The following SLC25A24 variants were observed in gnomAD, a reference collection of about 807,000 sequenced individuals.
SLC25A24 encodes solute carrier family 25 member 24.
In SLC25A24, 49 loss-of-function variants were observed where a neutral mutation model predicts 60.7. That is an observed-to-expected ratio of 0.81 (90% CI 0.64 to 1.02). SLC25A24 has a LOEUF of 1.02. Among genes scored for constraint, SLC25A24 ranks in the 50% least tolerant of loss-of-function variants. The pLI is 0.00. For synonymous variants in SLC25A24, 202 were observed against 200.6 expected (o/e 1.01, Z -0.06); for missense variants, 564 against 586.3 (o/e 0.96, Z 0.39).
chr1:108,166,524 C>T (rs1243415005), intron 3 of SLC25A24, among the ~76,000 whole-genome samples: 3 of 152,122 alleles, frequency 2.0e-5, no homozygotes, highest in Non-Finnish European at 4.4e-5. Flanking sequence ...AACTTCCCTT[C>T]TCGCTTCATT....
chr1:108,181,549 T>C, intron 3 of SLC25A24, among the ~76,000 whole-genome samples: 1 of 152,214 alleles, frequency 6.6e-6, no homozygotes, highest in East Asian at 1.9e-4. Context: ...TTTCCCTTTT[T>C]TCCAGTCACA....
At chr1:108,171,245 G>A (rs1462974273) in intron 3 of SLC25A24, among the ~76,000 whole-genome samples, 7 of 150,962 alleles carry the variant, frequency 4.6e-5, no homozygotes, top group Non-Finnish European at 1.0e-4. Flanking sequence ...ATATAACAAA[G>A]TCTAAAGTTA....
chr1:108,171,493 C>T (rs1558020213), intron 3 of SLC25A24, among the ~76,000 whole-genome samples: 2 of 152,162 alleles, frequency 1.3e-5, no homozygotes, highest in South Asian at 2.1e-4. Flanking sequence ...TACCAAGAAA[C>T]ACTGTGTGAC....
intron 4 of SLC25A24, among the ~76,000 whole-genome samples, chr1:108,158,414 A>G (rs956452037): frequency 6.6e-6 from 1 of 152,194 alleles, no homozygotes; most frequent in Non-Finnish European, 1.5e-5. Context: ...TCATTTTACT[A>G]TCAATAAAAT....
At chr1:108,137,933 C>G (rs1342269958) in intron 9 of SLC25A24, among the ~76,000 whole-genome samples, 1 of 152,212 alleles carries the variant, frequency 6.6e-6, no homozygotes, top group Non-Finnish European at 1.5e-5. Flanking sequence ...TGTCTCTCAG[C>G]TCCTTAAATA....
At chr1:108,165,906 T>G (rs1478087426) in intron 3 of SLC25A24, among the ~76,000 whole-genome samples, 1 of 152,236 alleles carries the variant, frequency 6.6e-6, no homozygotes, top group East Asian at 1.9e-4. Context: ...CTTTACATTT[T>G]GGCATGATTT....
chr1:108,162,731 C>T (rs1482938854), intron 3 of SLC25A24, among the ~76,000 whole-genome samples: 1 of 151,914 alleles, frequency 6.6e-6, no homozygotes, highest in Admixed American at 6.6e-5. Flanking sequence ...AAATTTTCTC[C>T]CATTTTGGAG....
chr1:108,161,002 GT>G (rs57086011), intron 4 of SLC25A24, among the ~76,000 whole-genome samples, 179 bp downstream of exon 4: 6 of 150,720 alleles, frequency 4.0e-5, no homozygotes, highest in Admixed American at 2.6e-4. Context: ...AGGGAGAGCT[GT>G]TTTTTTTTGT....
intron 8 of SLC25A24, among the ~76,000 whole-genome samples, chr1:108,141,744 TG>T (rs1160790699): frequency 2.6e-5 from 4 of 152,182 alleles, no homozygotes; most frequent in African/African-American, 9.7e-5. Context: ...CTATGTTACA[TG>T]AAATAAGCCA....
rs370337533 is a variant in SLC25A24, at chr1:108,158,798, G to A, written c.511-1178C>T. 1.3e-4 allele frequency among the ~76,000 whole-genome samples: 19 copies of A among 151,566 alleles called. No individual in the cohort carries two copies. In the East Asian group the frequency reaches 2.1e-3, roughly 17 times the overall value. On this transcript the variant is annotated intron_variant, in intron 4 of 9. Transcript: ENST00000565488. Reference sequence around the variant, plus strand: ...GGGCGGATTACAAGGTCAGGAGATCGAGACCATCCTGGCTAACACGGTGAA... The same window carrying A: ...GGGCGGATTACAAGGTCAGGAGATCAAGACCATCCTGGCTAACACGGTGAA...
At chr1:108,153,769 G>A (rs1018407548) in intron 6 of SLC25A24, among the ~76,000 whole-genome samples, 1 of 152,248 alleles carries the variant, frequency 6.6e-6, no homozygotes, top group African/African-American at 2.4e-5. Flanking sequence ...GCCTGTTGGT[G>A]GTATCCAAGG....
At chr1:108,177,933 G>T (rs1015415015) in intron 3 of SLC25A24, among the ~76,000 whole-genome samples, 1 of 152,166 alleles carries the variant, frequency 6.6e-6, no homozygotes, top group African/African-American at 2.4e-5. Context: ...GGGAGGCCAA[G>T]GCGGGTGGAT....
At chr1:108,182,330 A>C (rs1374851855) in intron 2 of SLC25A24, among the ~76,000 whole-genome samples, 1 of 152,254 alleles carries the variant, frequency 6.6e-6, no homozygotes, top group East Asian at 1.9e-4. Context: ...AATGTAATTA[A>C]GAAGTAGCAG....
At position 108,136,342 on chromosome 1, in the gene SLC25A24, A is replaced by G. The variant is rs1367696479; in HGVS notation, c.*311T>C. 1 of 204,874 alleles carries G rather than the reference A, an allele frequency of 4.9e-6. No individual in the cohort carries two copies. Among genetic ancestry groups the G allele is most frequent in the Non-Finnish European group, 9.7e-6 (1 of 103,042 alleles). The allele number at this position is 204,874 out of a possible 1,614,324, so 12.7% of individuals were successfully genotyped here. A position where few individuals can be genotyped will look rare whatever the true frequency, so the allele number is the denominator to read the frequency against. On this transcript the variant is annotated 3_prime_UTR_variant, in exon 10 of 10. Transcript: ENST00000565488. ...AAGATTAATGATTTATAACTCTAAC[A>G]CACAAAACAAATTTTGTTCAAGCCA...
chr1:108,157,164 A>G (rs1679924381), intron 5 of SLC25A24, among the ~76,000 whole-genome samples: 1 of 152,238 alleles, frequency 6.6e-6, no homozygotes, highest in African/African-American at 2.4e-5. Context: ...GAAGGAAACT[A>G]TAAATCAGGA....
intron 4 of SLC25A24, among the ~76,000 whole-genome samples, chr1:108,159,147 T>C (rs1014228786): frequency 1.3e-5 from 2 of 152,208 alleles, no homozygotes; most frequent in African/African-American, 4.8e-5. Context: ...AATCAAAATT[T>C]GAAAGTTTGG....
intron 3 of SLC25A24, among the ~76,000 whole-genome samples, chr1:108,174,460 C>G (rs971433682): frequency 6.6e-6 from 1 of 152,218 alleles, no homozygotes; most frequent in Non-Finnish European, 1.5e-5. Context: ...GATGTCCAGA[C>G]AGAAGTTTGC....
chr1:108,136,817 G>A lies in SLC25A24; in HGVS notation c.1270C>T (p.Gln424Ter), dbSNP rs779443602. The stretch of plus-strand genomic sequence containing the variant: ...CGAAAGAGGCCAACCATATTCAGCT[G>A]TGGGGAACCTTCTAACATGGCTAAA... ...QAQAMLEGSPQLNMVGLFRRI... is the reference protein window; with the variant it reads ...QAQAMLEGSP Residue 424 changes from glutamine (Q) to a stop codon, truncating the protein, a stop_gained, in exon 10 of 10, where the codon CAG becomes TAG. Coordinates refer to ENST00000565488, the MANE Select transcript of SLC25A24 (RefSeq NM_013386.5). LOFTEE classifies it high-confidence loss of function. 9 of 1,613,978 alleles carry A rather than the reference G, an allele frequency of 5.6e-6. No homozygotes were observed. In the South Asian group the frequency reaches 8.8e-5, roughly 16 times the overall value.
At chr1:108,158,344 T>G (rs779684468) in intron 4 of SLC25A24, among the ~76,000 whole-genome samples, 1 of 152,078 alleles carries the variant, frequency 6.6e-6, no homozygotes, top group East Asian at 1.9e-4. Flanking sequence ...GGCAGAAAAA[T>G]TTTTACAGGC....
Sources: allele counts gnomAD v4.1 joint callset (sites outside exome capture counted in the v4.1 genomes callset), GRCh38; gene constraint gnomAD v4.1.1; transcripts MANE v1.5; gene names NCBI Gene and HGNC (gene_info 2026-07-23, HGNC 2026-07-21).